Variants in RPS6KA1 observed in about 807,000 individuals in gnomAD.
RPS6KA1 encodes ribosomal protein S6 kinase A1.
Under a neutral mutation model 91.3 loss-of-function variants are expected in RPS6KA1, and 48 were observed. The observed-to-expected ratio is 0.53, with a 90% CI of 0.42 to 0.67. The LOEUF (loss-of-function observed/expected upper bound fraction) is 0.67, where lower values mean the gene tolerates loss of function less well. Among genes scored for constraint, RPS6KA1 ranks in the 30% least tolerant of loss-of-function variants. The pLI is 0.00. For missense variants in RPS6KA1, 719 were observed against 960.5 expected (o/e 0.75, Z 3.32); for synonymous variants, 359 against 384.7 (o/e 0.93, Z 0.78).
At chr1:26,532,866 G>A (rs2075878209) in intron 1 of RPS6KA1, among the ~76,000 whole-genome samples, 2 of 152,226 alleles carry the variant, frequency 1.3e-5, no homozygotes, top group African/African-American at 4.8e-5. Flanking sequence ...AGTGCTCTCT[G>A]AGGAAGAGGG....
chr1:26,547,011 G>A lies in RPS6KA1; in HGVS notation c.225+28G>A. ...GAGTCATGAGCCCATAGCTGTGAAG[G>A]CAACACTCGTCATGTTAGAGGTGGG... is the stretch of plus-strand genomic sequence containing the variant. On this transcript the variant is annotated intron_variant, in intron 3 of 21. Coordinates refer to ENST00000374168, the MANE Select transcript of RPS6KA1 (RefSeq NM_002953.4). The surrounding 1 kb of genome is among the most constrained non-coding windows in gnomAD (Gnocchi z 4.1). 2.5e-6 allele frequency: 4 copies of A among 1,590,384 alleles called. No individual in the cohort carries two copies. The highest frequency in any genetic ancestry group is 3.5e-6 in the Non-Finnish European group (4 of 1,158,828).
chr1:26,561,495 T>G lies in RPS6KA1; in HGVS notation c.1432-10T>G. 1 of 1,614,048 alleles carries G rather than the reference T, an allele frequency of 6.2e-7. No individual in the cohort carries two copies. The highest frequency in any genetic ancestry group is 1.1e-5 in the South Asian group (1 of 91,080). ...TGGGGAGAAGAGCCTGATGGTGAGG[T>G]CTTCGGCAGGTGTATGATGATGGCA... On this transcript the variant is annotated splice_polypyrimidine_tract_variant and intron_variant, in intron 16 of 21. Transcript: ENST00000374168. The surrounding 1 kb of genome is among the most constrained non-coding windows in gnomAD (Gnocchi z 5.7).
At position 26,547,273 on chromosome 1, in the gene RPS6KA1, G is replaced by C; in HGVS notation, c.307+3G>C. On this transcript the variant is annotated splice_donor_region_variant and intron_variant, in intron 4 of 21. Coordinates refer to ENST00000374168, the MANE Select transcript of RPS6KA1 (RefSeq NM_002953.4). This position sits in a 1 kb window ranked among gnomAD's most constrained non-coding sequence, Gnocchi z 4.1. ...GCTGAAGAAGGCAACGCTGAAAGGT[G>C]AGTGGGGACACCTCCCTGTGCAGAA... The C allele has an allele frequency of 6.2e-7, 1 of 1,612,934 alleles. No homozygotes were observed. Among genetic ancestry groups the C allele is most frequent in the Middle Eastern group, 1.7e-4 (1 of 5,774 alleles).
intron 2 of RPS6KA1, among the ~76,000 whole-genome samples, chr1:26,539,590 A>G (rs2075931481): frequency 6.6e-6 from 1 of 152,272 alleles, no homozygotes; most frequent in Non-Finnish European, 1.5e-5. Context: ...TGTGGTACAT[A>G]TAAATTAAAG....
At position 26,554,860 on chromosome 1, in the gene RPS6KA1, G is replaced by T; in HGVS notation, c.756+122G>T. On this transcript the variant is annotated intron_variant, in intron 9 of 21. Transcript: ENST00000374168. The surrounding 1 kb of genome is among the most constrained non-coding windows in gnomAD (Gnocchi z 4.6). ...CCCGTCTCCTCTCACAGCCAAGCTG[G>T]CCTCACCCTATATGCACCTGCAGTT... 2.2e-6 allele frequency: 3 copies of T among 1,344,580 alleles called. No homozygotes were observed. The highest frequency in any genetic ancestry group is 2.0e-6 in the Non-Finnish European group (2 of 981,896). 83.3% of individuals were successfully genotyped at this position (1,344,580 alleles called of 1,614,324 possible). A position where few individuals can be genotyped will look rare whatever the true frequency, so the allele number is the denominator to read the frequency against.
intron 2 of RPS6KA1, among the ~76,000 whole-genome samples, chr1:26,545,602 G>A (rs758673002): frequency 7.1e-4 from 108 of 152,156 alleles, no homozygotes; most frequent in Non-Finnish European, 1.4e-3. Context: ...CTGCTGTTGG[G>A]TACCAGTCTG....
intron 14 of RPS6KA1, among the ~76,000 whole-genome samples, chr1:26,559,626 C>T (rs2076137161): frequency 6.6e-6 from 1 of 151,652 alleles, no homozygotes; most frequent in Non-Finnish European, 1.5e-5. Flanking sequence ...GTGATCCGCC[C>T]ACCTCAGCCT....
Position 26,558,871 on chromosome 1 carries a change from C to T in RPS6KA1, c.1149C>T (p.Ala383=). The T allele has an allele frequency of 6.2e-7, 1 of 1,613,924 alleles. No individual in the cohort carries two copies. ...HQLFRGFSFV[A]TGLMEDDGKP... ...TGTTCCGGGGCTTCAGCTTCGTGGCCACCGGCCTGATGGAAGACGACGGCA... is the reference window on the plus strand; with the variant it reads ...TGTTCCGGGGCTTCAGCTTCGTGGCTACCGGCCTGATGGAAGACGACGGCA... The change falls in exon 14 of 22, where the codon GCC becomes GCT. Residue 383 remains alanine, a synonymous_variant. Coordinates refer to ENST00000374168, the MANE Select transcript of RPS6KA1 (RefSeq NM_002953.4). This position sits in a 1 kb window ranked among gnomAD's most constrained non-coding sequence, Gnocchi z 4.0.
At chr1:26,544,078 C>T (rs2075970791) in intron 2 of RPS6KA1, 2 of 456,116 alleles carry the variant, frequency 4.4e-6, no homozygotes, top group African/African-American at 2.0e-5. Context: ...ACCCCAGGTA[C>T]AGCAGCAAGA....
rs1363756025 is a variant in RPS6KA1 at position 26,551,777 on chromosome 1, G to A, written c.468+54G>A. 2.7e-6 allele frequency: 4 copies of A among 1,456,314 alleles called. No individual in the cohort carries two copies. The East Asian group carries it at 9.1e-5, about 33-fold the overall frequency. 90.2% of individuals were successfully genotyped at this position (1,456,314 alleles called of 1,614,324 possible). ...CCGGGATGGAGCTGAGGGACGACAA[G>A]TCCTCCCATCCCAGGGCCCTGTACA... is the stretch of plus-strand genomic sequence containing the variant. On this transcript the variant is annotated intron_variant, in intron 6 of 21. Coordinates refer to ENST00000374168, the MANE Select transcript of RPS6KA1 (RefSeq NM_002953.4). This position sits in a 1 kb window ranked among gnomAD's most constrained non-coding sequence, Gnocchi z 4.5.
At chr1:26,533,227 G>T (rs767251527) in intron 1 of RPS6KA1, among the ~76,000 whole-genome samples, 4 of 152,098 alleles carry the variant, frequency 2.6e-5, no homozygotes, top group Non-Finnish European at 5.9e-5. Flanking sequence ...CTACAGGCCC[G>T]TGTCACCATG....
At position 26,561,638 on chromosome 1, in the gene RPS6KA1, C is replaced by T; in HGVS notation, c.1565C>T (p.Thr522Ile). ...ASFVLHTIGK[T>I]VEYLHSQGVV... ...TTTGTCCTGCACACCATTGGCAAAA[C>T]TGTGGAGTATCTGCACTCACAGGGG... The change falls in exon 17 of 22, where the codon ACT becomes ATT. Residue 522 changes from threonine to isoleucine, a missense_variant. Transcript: ENST00000374168. The surrounding 1 kb of genome is among the most constrained non-coding windows in gnomAD (Gnocchi z 5.7). The T allele has an allele frequency of 6.2e-7, 1 of 1,611,414 alleles. No individual in the cohort carries two copies. The highest frequency in any genetic ancestry group is 2.2e-5 in the East Asian group (1 of 44,862).
At chr1:26,544,259 A>G (rs1005706087) in intron 2 of RPS6KA1, 5 of 453,896 alleles carry the variant, frequency 1.1e-5, no homozygotes, top group African/African-American at 2.0e-5. Flanking sequence ...TTGGGTTCCA[A>G]TCTCTGTCTC....
At chr1:26,530,784 G>C (rs757844192) in intron 1 of RPS6KA1, 1 of 1,288,566 alleles carries the variant, frequency 7.8e-7, no homozygotes, top group Middle Eastern at 2.1e-4. Context: ...TGTGGCTCCA[G>C]TCCCTAAGCG....
At position 26,551,412 on chromosome 1, in the gene RPS6KA1, G is replaced by A. The variant is rs757381704; in HGVS notation, c.323G>A (p.Arg108Gln). The change falls in exon 5 of 22, where the codon CGG (arginine) becomes CAG (glutamine). Residue 108 changes from arginine (R) to glutamine (Q), a missense_variant. Physicochemically the swap from Arg to Gln is conservative, Grantham distance 43. Around this residue, in one of 5 missense-constraint regions of RPS6KA1, gnomAD observed 159 missense variants for 264.5 expected, o/e 0.60. Transcript: ENST00000374168. This position sits in a 1 kb window ranked among gnomAD's most constrained non-coding sequence, Gnocchi z 4.5. ...GTCTGGCCAGTACGTGACCGCGTCCGGACCAAGATGGAGAGAGACATCCTG... is the reference window on the plus strand; with the variant it reads ...GTCTGGCCAGTACGTGACCGCGTCCAGACCAAGATGGAGAGAGACATCCTG... The part of the protein sequence containing the change: ...KATLKVRDRV[R>Q]TKMERDILAD... 15 of 1,613,996 alleles carry A rather than the reference G, an allele frequency of 9.3e-6. No individual in the cohort carries two copies. The highest frequency in any genetic ancestry group is 6.7e-5 in the East Asian group (3 of 44,878).
In RPS6KA1 at chr1:26,571,972, A is replaced by G; in HGVS notation, c.1829+47A>G. 1.9e-6 allele frequency: 3 copies of G among 1,553,244 alleles called. No homozygotes were observed. The highest frequency in any genetic ancestry group is 2.7e-6 in the Non-Finnish European group (3 of 1,130,544). Reference sequence around the variant, plus strand: ...CCTTCCCCACTCCTGCAGCCCTAGCACTTGGGCTGAGTGGTGCTTGTCTGA... The same window carrying G: ...CCTTCCCCACTCCTGCAGCCCTAGCGCTTGGGCTGAGTGGTGCTTGTCTGA... On this transcript the variant is annotated intron_variant, in intron 19 of 21. Transcript: ENST00000374168. This position sits in a 1 kb window ranked among gnomAD's most constrained non-coding sequence, Gnocchi z 5.1.
At chr1:26,549,517 C>T (rs1308475654) in intron 4 of RPS6KA1, among the ~76,000 whole-genome samples, 1 of 151,608 alleles carries the variant, frequency 6.6e-6, no homozygotes, top group Non-Finnish European at 1.5e-5. Context: ...TGCAGTGAGC[C>T]AAGATCACAC....
At position 26,574,447 on chromosome 1, in the gene RPS6KA1, A is replaced by G. The variant is rs2076279175; in HGVS notation, c.*246A>G. ...CTGTATAAACTTTTTTTTATGAAAA[A>G]AATGGCATCAACCACCATGGATTTT... On this transcript the variant is annotated 3_prime_UTR_variant, in exon 22 of 22. Transcript: ENST00000374168. This position sits in a 1 kb window ranked among gnomAD's most constrained non-coding sequence, Gnocchi z 4.3. 1.4e-6 allele frequency: 1 copy of G among 696,190 alleles called. No individual in the cohort carries two copies. 43.1% of individuals were successfully genotyped at this position (696,190 alleles called of 1,614,324 possible).
intron 2 of RPS6KA1, among the ~76,000 whole-genome samples, chr1:26,539,238 T>A (rs1255645267): frequency 2.0e-5 from 3 of 152,210 alleles, no homozygotes; most frequent in Admixed American, 6.5e-5. Context: ...TGATGGCATC[T>A]GAGTTCAGGG....
Sources: gnomAD v4.1 joint callset for allele counts (sites outside exome capture counted in the v4.1 genomes callset) on GRCh38, gnomAD v4.1.1 for gene constraint, gnomAD v4.1.1 regional missense constraint, Gnocchi (gnomAD v3.1) non-coding constraint, MANE v1.5 for transcripts, NCBI Gene and HGNC (gene_info 2026-07-23, HGNC 2026-07-21) for gene names.